The following NBPF3 variants were observed in gnomAD, a reference collection of about 807,000 sequenced individuals.
The protein encoded by NBPF3 is NBPF family member NBPF3.
A neutral mutation model predicts 78.1 loss-of-function variants in NBPF3; 57 were observed. The observed-to-expected ratio is 0.73, with a 90% CI of 0.59 to 0.91. The LOEUF is 0.91. Among genes scored for constraint, NBPF3 ranks in the 40% least tolerant of loss-of-function variants. The pLI is 0.00. For missense variants in NBPF3, 510 were observed against 715.3 expected (o/e 0.71, Z 3.27); for synonymous variants, 182 against 271.7 (o/e 0.67, Z 3.25).
intron 2 of NBPF3, 136 bp downstream of exon 2, chr1:21,445,355 G>A (rs1461400566): frequency 2.8e-5 from 29 of 1,019,310 alleles, no homozygotes; most frequent in South Asian, 6.8e-5. Context: ...TATTAAATAC[G>A]TATTTGTTAA....
At chr1:21,468,334 G>A (rs934235679) in intron 2 of NBPF3, 237 of 1,112,234 alleles carry the variant, frequency 2.1e-4, no homozygotes, top group Non-Finnish European at 2.6e-4. Context: ...GTGACCCTCA[G>A]GTGAGACGAG....
intron 2 of NBPF3, among the ~76,000 whole-genome samples, chr1:21,450,165 T>TC (rs1641227275): frequency 6.6e-6 from 1 of 151,882 alleles, no homozygotes; most frequent in Admixed American, 6.6e-5. Context: ...GTGTTTTTTT[T>TC]CTAGAGCTCA....
chr1:21,443,336 C>G (rs1446564179), intron 1 of NBPF3, among the ~76,000 whole-genome samples: 6 of 152,172 alleles, frequency 3.9e-5, no homozygotes, highest in Admixed American at 3.3e-4. Flanking sequence ...ATATGGTGTT[C>G]AGAATGATTG....
chr1:21,474,938 C>G lies in NBPF3; in HGVS notation c.979C>G (p.Pro327Ala), dbSNP rs756827805. ...SDHEQEEEKG[P>A]VSPRNLQESE... ...TCATGAGCAAGAGGAAGAAAAAGGG[C>G]CAGTGTCTCCCAGGTAATGCCATGG... The change falls in exon 8 of 15, where the codon CCA (proline) becomes GCA (alanine). Residue 327 changes from proline to alanine, a missense_variant. Physicochemically the swap from Pro to Ala is conservative, Grantham distance 27. Around this residue, in one of 5 missense-constraint regions of NBPF3, gnomAD observed 440 missense variants for 478.2 expected, o/e 0.92. Transcript: ENST00000318249. 14 of 1,602,048 alleles carry G rather than the reference C, an allele frequency of 8.7e-6. No individual in the cohort carries two copies. The highest frequency in any genetic ancestry group is 5.0e-5 in the Admixed American group (3 of 59,450).
At chr1:21,473,050 C>G in intron 6 of NBPF3, 135 bp downstream of exon 6, 1 of 760,464 alleles carries the variant, frequency 1.3e-6, no homozygotes, top group Non-Finnish European at 2.3e-6. Flanking sequence ...CTCAAGCCAG[C>G]TTGGACACAG....
At chr1:21,437,483 G>A (rs1569881728), upstream of NBPF3, 4 of 1,462,576 alleles carry the variant, frequency 2.7e-6, no homozygotes, top group East Asian at 2.5e-5. Context: ...CCACGAGGAC[G>A]CCCAGCGCGA....
At chr1:21,438,576 C>A (rs75241182), upstream of NBPF3, among the ~76,000 whole-genome samples, 9 of 152,164 alleles carry the variant, frequency 5.9e-5, no homozygotes, top group African/African-American at 1.9e-4. Flanking sequence ...ATGCTAAGTG[C>A]TCACTGAATG....
chr1:21,478,172 GC>G lies in NBPF3; in HGVS notation c.1027del (p.Gln343ArgfsTer31), dbSNP rs1330529492. On this transcript the variant is annotated frameshift_variant, in exon 9 of 15. Coordinates refer to ENST00000318249, the MANE Select transcript of NBPF3 (RefSeq NM_032264.6). LOFTEE classifies it high-confidence loss of function. ...RNLQESEEEE[A>X]PQESWDEGDW... Reference sequence around the variant, plus strand: ...TCTGCAGGAGTCTGAAGAGGAGGAAGCCCCCCAGGAGTCCTGGGATGAAGGT... The same window carrying G: ...TCTGCAGGAGTCTGAAGAGGAGGAAGCCCCCAGGAGTCCTGGGATGAAGGT... The G allele has an allele frequency of 6.2e-7, 1 of 1,614,090 alleles. No homozygotes were observed. The highest frequency in any genetic ancestry group is 8.5e-7 in the Non-Finnish European group (1 of 1,180,024).
chr1:21,439,566 A>C (rs1177649141), upstream of NBPF3, among the ~76,000 whole-genome samples: 1 of 152,154 alleles, frequency 6.6e-6, no homozygotes, highest in Non-Finnish European at 1.5e-5. Flanking sequence ...ACAGCATCCC[A>C]CAGATTGCCT....
At chr1:21,441,045 A>G (rs973411283) in intron 1 of NBPF3, 2 of 152,164 alleles carry the variant, frequency 1.3e-5, no homozygotes, top group African/African-American at 4.8e-5. Context: ...AGAGTTAACC[A>G]AGACGTTTGG....
rs1300758431 is a variant in NBPF3, at chr1:21,476,906, G to C, written c.993-1238G>C. On this transcript the variant is annotated intron_variant, in intron 8 of 14. Coordinates refer to ENST00000318249, the MANE Select transcript of NBPF3 (RefSeq NM_032264.6). This position sits in a 1 kb window ranked among gnomAD's most constrained non-coding sequence, Gnocchi z 4.1. ...GGTTCCATTCTCCCCGTCACTTTCA[G>C]GTACACCAATCAAATGTAGATTTGG... Among the ~76,000 whole-genome samples, 1 of 152,270 alleles carries C rather than the reference G, an allele frequency of 6.6e-6. No homozygotes were observed. Among genetic ancestry groups the C allele is most frequent in the East Asian group, 1.9e-4 (1 of 5,186 alleles).
In NBPF3 at chr1:21,475,721, A is replaced by G. The variant is rs150029416; in HGVS notation, c.992+770A>G. Reference sequence around the variant, plus strand: ...TGTGGTCAATTTTGGAATAAGTGTGATGTGATGCTGAGAAGAATGAATATT... The same window carrying G: ...TGTGGTCAATTTTGGAATAAGTGTGGTGTGATGCTGAGAAGAATGAATATT... On this transcript the variant is annotated intron_variant, in intron 8 of 14. Coordinates refer to ENST00000318249, the MANE Select transcript of NBPF3 (RefSeq NM_032264.6). Among the ~76,000 whole-genome samples the G allele has an allele frequency of 2.8e-3, 431 of 152,258 alleles. 13 individuals carry two copies. The East Asian group carries it at 0.078, about 28-fold the overall frequency.
Position 21,440,568 on chromosome 1 carries a change from A to G in NBPF3, c.-140+220A>G, listed in dbSNP as rs566348646. Among the ~76,000 whole-genome samples the G allele has an allele frequency of 1.3e-3, 199 of 152,242 alleles. 1 individual carries two copies. Among genetic ancestry groups the G allele is most frequent in the African/African-American group, 4.3e-3 (177 of 41,538 alleles). ...GCCCAGCTCTCGTGGGCGCTGGGGA[A>G]GAAACTCGCTGGCGGGTGTTCTGTG... On this transcript the variant is annotated intron_variant, in intron 1 of 14. Transcript: ENST00000318249.
At chr1:21,444,189 T>A (rs757865813) in intron 1 of NBPF3, among the ~76,000 whole-genome samples, 1 of 152,198 alleles carries the variant, frequency 6.6e-6, no homozygotes, top group Non-Finnish European at 1.5e-5. Flanking sequence ...TATTCAACAA[T>A]CTCCAAGTAT....
At chr1:21,438,802 G>A (rs1314551596), upstream of NBPF3, among the ~76,000 whole-genome samples, 1 of 152,192 alleles carries the variant, frequency 6.6e-6, no homozygotes, top group Non-Finnish European at 1.5e-5. Flanking sequence ...AGAAGATAAT[G>A]TGCCTTGAGC....
intron 2 of NBPF3, among the ~76,000 whole-genome samples, chr1:21,457,354 A>ATATATATATGTATG (rs1239863678): frequency 8.9e-5 from 13 of 145,720 alleles, no homozygotes; most frequent in African/African-American, 2.0e-4. Flanking sequence ...GTGTGTATAT[A>ATATATATATGTATG]TATATATATG....
rs1243793727 is a variant in NBPF3 at position 21,471,870 on chromosome 1, C to T, written c.661+87C>T. ...CATACTTTCACAATGACATTTGTAT[C>T]GGTGGTGTTTTTTCCCACTAAACGT... On this transcript the variant is annotated intron_variant, in intron 5 of 14. Coordinates refer to ENST00000318249, the MANE Select transcript of NBPF3 (RefSeq NM_032264.6). The T allele has an allele frequency of 2.5e-5, 38 of 1,542,368 alleles. No individual in the cohort carries two copies. In the East Asian group the frequency reaches 3.4e-4, roughly 14 times the overall value.
intron 9 of NBPF3, among the ~76,000 whole-genome samples, chr1:21,478,947 A>T (rs1411238719): frequency 6.6e-6 from 1 of 152,154 alleles, no homozygotes; most frequent in Non-Finnish European, 1.5e-5. Context: ...GGTACATTGC[A>T]CCCCTCCATC....
intron 1 of NBPF3, among the ~76,000 whole-genome samples, chr1:21,444,430 A>C (rs1188173335): frequency 1.3e-5 from 2 of 152,254 alleles, no homozygotes; most frequent in Non-Finnish European, 2.9e-5. Flanking sequence ...AAGATAGTTC[A>C]ATAAGCATTA....
Sources: allele counts gnomAD v4.1 joint callset (sites outside exome capture counted in the v4.1 genomes callset), GRCh38; gene constraint gnomAD v4.1.1; regional missense constraint gnomAD v4.1.1; non-coding constraint Gnocchi (gnomAD v3.1); transcripts MANE v1.5; gene names NCBI Gene and HGNC (gene_info 2026-07-23, HGNC 2026-07-21).